The following CD151 variants were observed in gnomAD, a reference collection of about 807,000 sequenced individuals.
CD151 encodes CD151 antigen.
Under a neutral mutation model 34.2 loss-of-function variants are expected in CD151, and 20 were observed. The ratio of observed to expected loss-of-function variants is 0.58; its 90% CI spans 0.41 to 0.85. The LOEUF is 0.85. Among genes scored for constraint, CD151 ranks in the 40% least tolerant of loss-of-function variants. The pLI is 0.00. For missense variants in CD151, 306 were observed against 324.5 expected (o/e 0.94, Z 0.44); for synonymous variants, 157 against 131.7 (o/e 1.19, Z -1.32).
In CD151 at chr11:836,781, C is replaced by G. The variant is rs1232810161; in HGVS notation, c.289C>G (p.Leu97Val). 6.2e-7 allele frequency: 1 copy of G among 1,612,732 alleles called. No individual in the cohort carries two copies. The highest frequency in any genetic ancestry group is 1.1e-5 in the South Asian group (1 of 91,078). ...CTGCCCCCCCCAGTACTTCATCCTG[C>G]TCCTCATCATCTTTCTGCTGGAGAT... ...RNLLRLYFILLLIIFLLEIIA... is the reference protein window; with the variant it reads ...RNLLRLYFILVLIIFLLEIIA... The change falls in exon 5 of 9, where the codon CTC becomes GTC. Residue 97 changes from leucine to valine, a missense_variant. Physicochemically the swap from Leu to Val is conservative, Grantham distance 32 (BLOSUM62 1). Transcript: ENST00000397420.
At chr11:833,284 G>T (rs1278385458) in intron 1 of CD151, among the ~76,000 whole-genome samples, 1 of 152,160 alleles carries the variant, frequency 6.6e-6, no homozygotes, top group Non-Finnish European at 1.5e-5. Flanking sequence ...GCGGGAAGGA[G>T]AGGCGCCTCC....
At chr11:833,079 G>GGCGAGGGGCGCGAGGGGGGCGAGGGGC (rs1846580393) in intron 1 of CD151, 53 bp downstream of exon 1, 3 of 150,256 alleles carry the variant, frequency 2.0e-5, no homozygotes, top group African/African-American at 4.9e-5. Context: ...GGGCGAGGGG[G>GGCGAGGGGCGCGAGGGGGGCGAGGGGC]GCGAGGGGCG....
Position 838,389 on chromosome 11 carries a change from A to T in CD151, c.*197A>T. On this transcript the variant is annotated 3_prime_UTR_variant, in exon 9 of 9. Transcript: ENST00000397420. ...GGAGGTGAGGGGGGCTGGCGGGGCG[A>T]AGTTTGGGGGGTGTTTTGTGGGGCT... 1 of 586,908 alleles carries T rather than the reference A, an allele frequency of 1.7e-6. No homozygotes were observed. The highest frequency in any genetic ancestry group is 1.9e-5 in the African/African-American group (1 of 53,312). 36.4% of individuals were successfully genotyped at this position (586,908 alleles called of 1,614,324 possible). A position where few individuals can be genotyped will look rare whatever the true frequency, so the allele number is the denominator to read the frequency against.
Position 836,352 on chromosome 11 carries a change from C to T in CD151, c.186C>T (p.Tyr62=). The T allele has an allele frequency of 6.2e-7, 1 of 1,612,636 alleles. No homozygotes were observed. The highest frequency in any genetic ancestry group is 8.5e-7 in the Non-Finnish European group (1 of 1,179,832). ...CAGGCACCTACCTGGCCACAGCCTA[C>T]ATCCTGGTGGTGGCGGGCACTGTCG... ...LASGTYLATA[Y]ILVVAGTVVM... is the part of the protein sequence containing the mutation. Residue 62 remains tyrosine, a synonymous_variant, in exon 4 of 9, where the codon TAC becomes TAT. Coordinates refer to ENST00000397420, the MANE Select transcript of CD151 (RefSeq NM_004357.5).
rs763444209 is a variant in CD151, at chr11:836,749, C to T, written c.277-20C>T. ...GCACTAGGCCTCAGAACAAGGGTGCCCTTGTGCTGCCCCCCCCAGTACTTC... is the reference window on the plus strand; with the variant it reads ...GCACTAGGCCTCAGAACAAGGGTGCTCTTGTGCTGCCCCCCCCAGTACTTC... On this transcript the variant is annotated intron_variant, in intron 4 of 8. Coordinates refer to ENST00000397420, the MANE Select transcript of CD151 (RefSeq NM_004357.5). The T allele has an allele frequency of 6.2e-7, 1 of 1,611,784 alleles. No individual in the cohort carries two copies. The highest frequency in any genetic ancestry group is 8.5e-7 in the Non-Finnish European group (1 of 1,179,176).
chr11:836,661 A>T lies in CD151; in HGVS notation c.277-108A>T, dbSNP rs1846783695. On this transcript the variant is annotated intron_variant, in intron 4 of 8. Transcript: ENST00000397420. Reference sequence around the variant, plus strand: ...GCTTCAGGGAGGGTGGCCGCCCCTCAGCCCCCACCTGGAGCCTGGGGAGCC... The same window carrying T: ...GCTTCAGGGAGGGTGGCCGCCCCTCTGCCCCCACCTGGAGCCTGGGGAGCC... The T allele has an allele frequency of 4.5e-6, 5 of 1,115,336 alleles. No homozygotes were observed. The South Asian group carries it at 6.6e-5, about 15-fold the overall frequency. 69.1% of individuals were successfully genotyped at this position (1,115,336 alleles called of 1,614,324 possible).
Position 837,702 on chromosome 11 carries a change from C to T in CD151, c.615+84C>T, listed in dbSNP as rs533896519. The T allele has an allele frequency of 4.1e-5, 57 of 1,387,892 alleles. No homozygotes were observed. The Admixed American group carries it at 5.9e-4, about 14-fold the overall frequency. The allele number at this position is 1,387,892 out of a possible 1,614,324, so 86.0% of individuals were successfully genotyped here. Reference sequence around the variant, plus strand: ...GTGACTGGCTGTGGGCAGTGGGACACGCCTCCAATATCTACCAGGAGGTGG... The same window carrying T: ...GTGACTGGCTGTGGGCAGTGGGACATGCCTCCAATATCTACCAGGAGGTGG... On this transcript the variant is annotated intron_variant, in intron 7 of 8. Transcript: ENST00000397420.
chr11:837,106 C>T (rs1846804233), intron 5 of CD151, 144 bp from the exon 6 acceptor site: 1 of 703,934 alleles, frequency 1.4e-6, no homozygotes. Flanking sequence ...ACCCAACCTC[C>T]CCTCATGCCG....
At position 836,270 on chromosome 11, in the gene CD151, T is replaced by C. The variant is rs1322086667; in HGVS notation, c.104T>C (p.Met35Thr). The C allele has an allele frequency of 1.9e-6, 3 of 1,611,906 alleles. No individual in the cohort carries two copies. The highest frequency in any genetic ancestry group is 1.3e-5 in the African/African-American group (1 of 74,862). ...TTGTAGCTGGCTGGCCTGGCTGTCA[T>C]GGCAGTGGGCATCTGGACGCTGGCC... ...CCFWLAGLAVMAVGIWTLALK... is the reference protein window; with the variant it reads ...CCFWLAGLAVTAVGIWTLALK... The change falls in exon 4 of 9, where the codon ATG becomes ACG. Residue 35 changes from methionine (M) to threonine (T), a missense_variant. By Grantham distance (81) the Met-to-Thr change is moderately conservative. Transcript: ENST00000397420.
Position 837,998 on chromosome 11 carries a change from GGCT to G in CD151, c.674_676del (p.Ala225del). 1 of 1,613,520 alleles carries G rather than the reference GGCT, an allele frequency of 6.2e-7. No individual in the cohort carries two copies. Among genetic ancestry groups the G allele is most frequent in the Non-Finnish European group, 8.5e-7 (1 of 1,179,912 alleles). ...TCCAGGAGCACCTGAGGGTCATTGG[GGCT>G]GTGGGGATCGGCATTGCCTGTGTGC... On this transcript the variant is annotated inframe_deletion, in exon 8 of 9. Transcript: ENST00000397420.
In CD151 at chr11:837,611, A is replaced by C; in HGVS notation, c.608A>C (p.Lys203Thr). 6.2e-7 allele frequency: 1 copy of C among 1,611,838 alleles called. No homozygotes were observed. The highest frequency in any genetic ancestry group is 8.5e-7 in the Non-Finnish European group (1 of 1,179,480). Residue 203 changes from lysine to threonine, a missense_variant, in exon 7 of 9, where the codon AAG (lysine) becomes ACG (threonine). Coordinates refer to ENST00000397420, the MANE Select transcript of CD151 (RefSeq NM_004357.5). ...GQRDHASNIY[K>T]VEGGCITKLE... ...CGAGACCATGCCTCCAACATCTACA[A>C]GGTGGAGGTGGGTGTGCAGCGGGAT...
At chr11:836,174 C>T (rs985313285) in intron 3 of CD151, 21 bp downstream of exon 3, 25 of 1,246,020 alleles carry the variant, frequency 2.0e-5, no homozygotes, top group Non-Finnish European at 2.5e-5. Context: ...GTCGCCTTGC[C>T]CCCACCCCCA....
intron 6 of CD151, 51 bp downstream of exon 6, chr11:837,405 C>A: frequency 6.2e-7 from 1 of 1,610,268 alleles, no homozygotes; most frequent in Non-Finnish European, 8.5e-7. Context: ...CCTCCCTGGA[C>A]CTCTGCAGGA....
chr11:836,535 C>T (rs1846777629), intron 4 of CD151, 93 bp downstream of exon 4: 3 of 896,954 alleles, frequency 3.3e-6, no homozygotes, highest in Non-Finnish European at 1.5e-6. Flanking sequence ...TTGCTGTGCT[C>T]ACCTGGGGGG....
intron 2 of CD151, chr11:835,799 T>A (rs1846741170): frequency 2.5e-6 from 1 of 406,852 alleles, no homozygotes; most frequent in East Asian, 5.1e-5. Context: ...GCCATTCTCC[T>A]GCCTCAGCCT....
Position 838,348 on chromosome 11 carries a change from A to C in CD151, c.*156A>C. 1.7e-6 allele frequency: 1 copy of C among 587,896 alleles called. No individual in the cohort carries two copies. 36.4% of individuals were successfully genotyped at this position (587,896 alleles called of 1,614,324 possible). A position where few individuals can be genotyped will look rare whatever the true frequency, so the allele number is the denominator to read the frequency against. On this transcript the variant is annotated 3_prime_UTR_variant, in exon 9 of 9. Transcript: ENST00000397420. ...CAGCTTCAAGTGCCTTTTGCTGCGC[A>C]CCAATGCCCAGCAGGGGAGGTGAGG...
At position 836,169 on chromosome 11, in the gene CD151, C is replaced by T. The variant is rs1846756101; in HGVS notation, c.84+16C>T. ...CTGCTTCTGGGTGAGGAGGGGTCGC[C>T]TTGCCCCCACCCCCACCCCCACCCC... is the stretch of plus-strand genomic sequence containing the variant. On this transcript the variant is annotated intron_variant, in intron 3 of 8. Transcript: ENST00000397420. 6.3e-7 allele frequency: 1 copy of T among 1,586,398 alleles called. No homozygotes were observed. The highest frequency in any genetic ancestry group is 8.6e-7 in the Non-Finnish European group (1 of 1,156,646).
rs566560607 is a variant in CD151, at chr11:836,464, G to A, written c.276+22G>A. On this transcript the variant is annotated intron_variant, in intron 4 of 8. Coordinates refer to ENST00000397420, the MANE Select transcript of CD151 (RefSeq NM_004357.5). The stretch of plus-strand genomic sequence containing the variant: ...CCTGGTCAGGAGGGCGCAGGGCCAC[G>A]GGGTGGGGGTGGTGCAGATGGGCCC... 56 of 1,563,568 alleles carry A rather than the reference G, an allele frequency of 3.6e-5. No individual in the cohort carries two copies. In the South Asian group the frequency reaches 4.0e-4, roughly 11 times the overall value.
At position 838,109 on chromosome 11, in the gene CD151, ACGCCCACCCGGCTC is replaced by A. The variant is rs1565119354; in HGVS notation, c.703-23_703-10del. 1 of 1,612,048 alleles carries A rather than the reference ACGCCCACCCGGCTC, an allele frequency of 6.2e-7. No individual in the cohort carries two copies. Among genetic ancestry groups the A allele is most frequent in the South Asian group, 1.1e-5 (1 of 91,044 alleles). On this transcript the variant is annotated splice_polypyrimidine_tract_variant and intron_variant, in intron 8 of 8. Transcript: ENST00000397420. ...GCTGGTGGCCCCATGACGTCTGCTT[ACGCCCACCCGGCTC>A]TGCACACAGGTCTTTGGCATGATCT...
Sources: gnomAD v4.1 joint callset for allele counts (sites outside exome capture counted in the v4.1 genomes callset) on GRCh38, gnomAD v4.1.1 for gene constraint, MANE v1.5 for transcripts, NCBI Gene and HGNC (gene_info 2026-07-23, HGNC 2026-07-21) for gene names.